The following PREP variants were observed in gnomAD, a reference collection of about 807,000 sequenced individuals.
PREP encodes the protein dJ355L5.1 (prolyl endopeptidase).
Under a neutral mutation model 87.6 loss-of-function variants are expected in PREP, and 29 were observed. The ratio of observed to expected loss-of-function variants is 0.33; its 90% CI spans 0.25 to 0.45. The LOEUF is 0.45. PREP is among the 20% of genes least tolerant of loss of function. The probability of loss-of-function intolerance (pLI) is 1.00; values close to 1 mark genes in which losing one functional copy is unlikely to be tolerated. For synonymous variants in PREP, 337 were observed against 328.6 expected (o/e 1.03, Z -0.28); for missense variants, 695 against 886.5 (o/e 0.78, Z 2.74).
chr6:105,309,503 C>A (rs1477439637), intron 10 of PREP, among the ~76,000 whole-genome samples: 1 of 152,094 alleles, frequency 6.6e-6, no homozygotes. Flanking sequence ...GTGTGTGCCA[C>A]CATACCTGGC....
At position 105,281,922 on chromosome 6, in the gene PREP, A is replaced by G. The variant is rs1336479751; in HGVS notation, c.1682-20T>C. The G allele has an allele frequency of 1.2e-6, 2 of 1,610,976 alleles. No homozygotes were observed. Among genetic ancestry groups the G allele is most frequent in the Non-Finnish European group, 1.7e-6 (2 of 1,178,922 alleles). ...AAGCAGCTAAAAGCCCAACGTAGAAAGAAAAGGGAGGCAGTCTATCATTAA... is the reference window on the plus strand; with the variant it reads ...AAGCAGCTAAAAGCCCAACGTAGAAGGAAAAGGGAGGCAGTCTATCATTAA... On this transcript the variant is annotated intron_variant, in intron 13 of 14. Coordinates refer to ENST00000652536, the MANE Select transcript of PREP (RefSeq NM_002726.5).
At chr6:105,290,239 G>T (rs1260089296) in intron 10 of PREP, among the ~76,000 whole-genome samples, 1 of 152,124 alleles carries the variant, frequency 6.6e-6, no homozygotes, top group Admixed American at 6.6e-5. Flanking sequence ...TGTGTGGGTA[G>T]GTACAAGTAA....
intron 10 of PREP, among the ~76,000 whole-genome samples, chr6:105,317,479 T>C (rs915792972): frequency 6.6e-6 from 1 of 152,212 alleles, no homozygotes; most frequent in Admixed American, 6.5e-5. Flanking sequence ...AACTCTAATG[T>C]ACGTGCAATT....
chr6:105,301,414 C>T (rs1583043186), intron 10 of PREP, among the ~76,000 whole-genome samples: 1 of 152,132 alleles, frequency 6.6e-6, no homozygotes, highest in African/African-American at 2.4e-5. Flanking sequence ...GGACAGTAGG[C>T]GGGCAAACTC....
chr6:105,395,722 C>T (rs1773271462), intron 2 of PREP, among the ~76,000 whole-genome samples: 1 of 152,172 alleles, frequency 6.6e-6, no homozygotes, highest in Non-Finnish European at 1.5e-5. Context: ...GCAAAGTATA[C>T]ATTCACTAAC....
At chr6:105,382,593 T>G (rs1426982122) in intron 2 of PREP, among the ~76,000 whole-genome samples, 1 of 152,198 alleles carries the variant, frequency 6.6e-6, no homozygotes, top group East Asian at 1.9e-4. Context: ...CTAGAATTAC[T>G]CATTAAATAA....
At chr6:105,295,862 T>G (rs1770398469) in intron 10 of PREP, among the ~76,000 whole-genome samples, 1 of 152,250 alleles carries the variant, frequency 6.6e-6, no homozygotes, top group Non-Finnish European at 1.5e-5. Context: ...AATATTTCAT[T>G]CTACAGATGC....
intron 6 of PREP, among the ~76,000 whole-genome samples, chr6:105,364,010 A>G (rs1258238969): frequency 1.3e-5 from 2 of 152,198 alleles, no homozygotes; most frequent in African/African-American, 2.4e-5. Context: ...AGAGGCCAAC[A>G]ATGATAGACC....
In PREP at chr6:105,341,712, C is replaced by T. The variant is rs889014283; in HGVS notation, c.824-8207G>A. On this transcript the variant is annotated intron_variant, in intron 7 of 14. Coordinates refer to ENST00000652536, the MANE Select transcript of PREP (RefSeq NM_002726.5). ...TAAAAAATGATAAAGGGGATATCAC[C>T]ACTGATCCCACAGAAATACAAACTA... 3.9e-5 allele frequency among the ~76,000 whole-genome samples: 6 copies of T among 152,266 alleles called. No individual in the cohort carries two copies. In the East Asian group the frequency reaches 9.7e-4, roughly 24 times the overall value.
rs2114607796 is a variant in PREP, at chr6:105,278,446, G to A, written c.1839-8C>T. Reference sequence around the variant, plus strand: ...TTATGCAATGGAGAGTATCTGGAAGGCAAAAACACCTTTGTGAGGCTGGAG... The same window carrying A: ...TTATGCAATGGAGAGTATCTGGAAGACAAAAACACCTTTGTGAGGCTGGAG... On this transcript the variant is annotated splice_region_variant and splice_polypyrimidine_tract_variant and intron_variant, in intron 14 of 14. Transcript: ENST00000652536. The surrounding 1 kb of genome is among the most constrained non-coding windows in gnomAD (Gnocchi z 4.2). 1.2e-6 allele frequency: 2 copies of A among 1,602,894 alleles called. No individual in the cohort carries two copies. The highest frequency in any genetic ancestry group is 8.5e-7 in the Non-Finnish European group (1 of 1,171,496).
chr6:105,377,346 C>G, intron 3 of PREP, 40 bp downstream of exon 3: 2 of 1,563,794 alleles, frequency 1.3e-6, no homozygotes, highest in African/African-American at 1.4e-5. Context: ...AAAGCATTTA[C>G]TTTGAAAATA....
rs1162063177 is a variant in PREP at position 105,349,898 on chromosome 6, TAAA to T, written c.823+3071_823+3073del. ...AGGATAACAAAATTGGGGAAGCAGGTAAAAAAAAAAAAAAAAAAAAAAAAGCAA... is the reference window on the plus strand; with the variant it reads ...AGGATAACAAAATTGGGGAAGCAGGTAAAAAAAAAAAAAAAAAAAAAGCAA... On this transcript the variant is annotated intron_variant, in intron 7 of 14. Transcript: ENST00000652536. Among the ~76,000 whole-genome samples the T allele has an allele frequency of 3.2e-4, 19 of 59,436 alleles. 1 individual carries two copies. Among genetic ancestry groups the T allele is most frequent in the African/African-American group, 8.3e-4 (16 of 19,288 alleles). 39.0% of individuals were successfully genotyped at this position (59,436 alleles called of 152,430 possible).
chr6:105,342,223 G>A (rs1006075625), intron 7 of PREP, among the ~76,000 whole-genome samples: 1 of 152,182 alleles, frequency 6.6e-6, no homozygotes, highest in Non-Finnish European at 1.5e-5. Flanking sequence ...TGCAAGGCTG[G>A]TTCAACATAC....
Position 105,276,674 on chromosome 6 carries a change from A to G in PREP, c.*1470T>C, listed in dbSNP as rs1190052. Reference sequence around the variant, plus strand: ...ATGGTGAATCTTATACTCAATGACAACTGTATTATGTACCGTACTAAATAG... The same window carrying G: ...ATGGTGAATCTTATACTCAATGACAGCTGTATTATGTACCGTACTAAATAG... On this transcript the variant is annotated 3_prime_UTR_variant, in exon 15 of 15. Coordinates refer to ENST00000652536, the MANE Select transcript of PREP (RefSeq NM_002726.5). Among the ~76,000 whole-genome samples, 31,861 of 152,186 alleles carry G rather than the reference A, an allele frequency of 0.21. 4,478 individuals carry two copies. Among genetic ancestry groups the G allele is most frequent in the African/African-American group, 0.41 (16,806 of 41,482 alleles).
Position 105,329,013 on chromosome 6 carries a change from A to G in PREP, c.1029T>C (p.Cys343=). The G allele has an allele frequency of 6.2e-7, 1 of 1,613,648 alleles. No individual in the cohort carries two copies. The highest frequency in any genetic ancestry group is 8.5e-7 in the Non-Finnish European group (1 of 1,179,516). The change falls in exon 9 of 15, where the codon TGT becomes TGC. Residue 343 remains cysteine (C), a synonymous_variant. Coordinates refer to ENST00000652536, the MANE Select transcript of PREP (RefSeq NM_002726.5). ...HEKDVLEWIA[C]VRSNFLVLCY... is the part of the protein sequence containing the mutation. ...ATAAGACCAAGAAGTTGGACCTGAC[A>G]CAAGCTATCCATTCTGAAAGGATAA... is the stretch of plus-strand genomic sequence containing the variant.
At chr6:105,284,303 TCA>T (rs1770141659) in intron 12 of PREP, among the ~76,000 whole-genome samples, 1 of 152,166 alleles carries the variant, frequency 6.6e-6, no homozygotes, top group Non-Finnish European at 1.5e-5. Context: ...GAGTCTGCTG[TCA>T]GCCCCTGGGG....
In PREP at chr6:105,282,754, A is replaced by C. The variant is rs537340461; in HGVS notation, c.1550-172T>G. Among the ~76,000 whole-genome samples the C allele has an allele frequency of 6.6e-5, 10 of 152,374 alleles. No individual in the cohort carries two copies. In the South Asian group the frequency reaches 1.4e-3, roughly 22 times the overall value. On this transcript the variant is annotated intron_variant, in intron 12 of 14. Transcript: ENST00000652536. ...ATTTAAGTTCTGTTATGCACTGTGG[A>C]AATATATCATCAATACCACAATGCT...
At chr6:105,371,500 C>CA (rs528772896) in intron 5 of PREP, among the ~76,000 whole-genome samples, 9,723 of 44,644 alleles carry the variant, frequency 0.22, 1,941 homozygotes, top group Non-Finnish European at 0.32. Context: ...GATTCCATCT[C>CA]AAAAAAAAAA....
chr6:105,297,906 G>GT (rs1280795094), intron 10 of PREP, among the ~76,000 whole-genome samples: 1 of 152,176 alleles, frequency 6.6e-6, no homozygotes, highest in Non-Finnish European at 1.5e-5. Flanking sequence ...GGAAGCATCG[G>GT]TAAGATCTCA....
Sources: gnomAD v4.1 joint callset for allele counts (sites outside exome capture counted in the v4.1 genomes callset) on GRCh38, gnomAD v4.1.1 for gene constraint, Gnocchi (gnomAD v3.1) non-coding constraint, MANE v1.5 for transcripts, NCBI Gene and HGNC (gene_info 2026-07-23, HGNC 2026-07-21) for gene names.